The following NBAS variants were observed in gnomAD, a reference collection of about 807,000 sequenced individuals.
The protein encoded by NBAS is NAG/BC035112 fusion.
Under a neutral mutation model 302.5 loss-of-function variants are expected in NBAS, and 219 were observed. The observed-to-expected ratio is 0.72, with a 90% CI of 0.65 to 0.81. The LOEUF (loss-of-function observed/expected upper bound fraction) is 0.81, where lower values mean the gene tolerates loss of function less well. Ranked by LOEUF, NBAS falls within the 30% of genes least tolerant of loss-of-function variation. The pLI, the probability that NBAS is intolerant of heterozygous loss-of-function variation, is 0.00. For missense variants in NBAS, 2,932 were observed against 2,841.6 expected, an observed-to-expected ratio of 1.03 and a Z score of -0.72; for synonymous variants, 1,118 against 1,021.6, an observed-to-expected ratio of 1.09 and a Z score of -1.80.
At chr2:15,234,092 A>C (rs954470754) in intron 46 of NBAS, among the ~76,000 whole-genome samples, 7 of 152,196 alleles carry the variant, frequency 4.6e-5, no homozygotes, top group African/African-American at 1.7e-4. Flanking sequence ...GTCTAAAGAC[A>C]CTTTACAGAT....
chr2:15,507,405 A>AACC (rs113081978), intron 10 of NBAS, among the ~76,000 whole-genome samples: 28 of 151,524 alleles, frequency 1.8e-4, no homozygotes, highest in African/African-American at 6.1e-4. Flanking sequence ...TATATTGAAA[A>AACC]AGCAGCAGCA....
chr2:15,345,795 T>C (rs1055255609), intron 35 of NBAS, among the ~76,000 whole-genome samples: 1 of 152,182 alleles, frequency 6.6e-6, no homozygotes, highest in Non-Finnish European at 1.5e-5. Flanking sequence ...ATGGTCCTGG[T>C]ACCAAAACAG....
At chr2:15,324,601 T>C (rs1364592144) in intron 38 of NBAS, among the ~76,000 whole-genome samples, 1 of 152,144 alleles carries the variant, frequency 6.6e-6, no homozygotes, top group Non-Finnish European at 1.5e-5. Flanking sequence ...TGGGTTTGCC[T>C]ATCATAGCGC....
At chr2:15,028,535 C>G in the NBAS span, among the ~76,000 whole-genome samples, 2 of 152,198 alleles carry the variant, frequency 1.3e-5, no homozygotes, top group African/African-American at 4.8e-5. Flanking sequence ...AACAATTTTA[C>G]TTCATTGTAC....
intron 19 of NBAS, among the ~76,000 whole-genome samples, chr2:15,465,381 G>C (rs1679680092): frequency 6.6e-6 from 1 of 152,080 alleles, no homozygotes; most frequent in African/African-American, 2.4e-5. Context: ...TCTTCATTAT[G>C]TTTCCTCATC....
At chr2:15,160,883 T>A in the NBAS span, among the ~76,000 whole-genome samples, 1 of 152,230 alleles carries the variant, frequency 6.6e-6, no homozygotes, top group Non-Finnish European at 1.5e-5. Flanking sequence ...ATAAAAGTTC[T>A]ATTTCAGTAA....
intron 48 of NBAS, among the ~76,000 whole-genome samples, chr2:15,197,062 A>G (rs1665657130): frequency 6.6e-6 from 1 of 152,220 alleles, no homozygotes; most frequent in Non-Finnish European, 1.5e-5. Context: ...ACTTCAACAT[A>G]AAGATAAAAT....
At chr2:14,854,533 G>A in the NBAS span, among the ~76,000 whole-genome samples, 1 of 148,866 alleles carries the variant, frequency 6.7e-6, no homozygotes, top group Non-Finnish European at 1.5e-5. Flanking sequence ...GTGCTGAAGA[G>A]ATAAAATTAA....
At chr2:15,235,973 T>C (rs1195401654) in intron 45 of NBAS, among the ~76,000 whole-genome samples, 1 of 152,168 alleles carries the variant, frequency 6.6e-6, no homozygotes, top group Non-Finnish European at 1.5e-5. Context: ...GATATAAGTT[T>C]TTTTGTACTG....
the NBAS span, among the ~76,000 whole-genome samples, chr2:15,037,456 C>A: frequency 0.01 from 1,558 of 152,306 alleles, 30 homozygotes; most frequent in African/African-American, 0.036. Flanking sequence ...CCGACATGCT[C>A]AGAGCACCCC....
At chr2:14,843,751 A>C in the NBAS span, among the ~76,000 whole-genome samples, 1 of 152,132 alleles carries the variant, frequency 6.6e-6, no homozygotes, top group Non-Finnish European at 1.5e-5. Flanking sequence ...GAGAATCTGC[A>C]CTTAAGAGAG....
At chr2:15,292,796 T>A (rs1381101678) in intron 40 of NBAS, 30 bp from the exon 41 acceptor site, 1 of 1,601,750 alleles carries the variant, frequency 6.2e-7, no homozygotes, top group African/African-American at 1.3e-5. Flanking sequence ...GAAGACATTT[T>A]ACCAACATCA....
At chr2:14,930,726 G>A in the NBAS span, among the ~76,000 whole-genome samples, 2 of 152,062 alleles carry the variant, frequency 1.3e-5, no homozygotes, top group Non-Finnish European at 2.9e-5. Flanking sequence ...CTTTGACATT[G>A]GACACTACTT....
intron 6 of NBAS, among the ~76,000 whole-genome samples, chr2:15,550,978 T>C (rs1423375429): frequency 6.6e-6 from 1 of 152,214 alleles, no homozygotes; most frequent in Non-Finnish European, 1.5e-5. Flanking sequence ...TGGGATTTAA[T>C]TTTTCCTTAA....
the NBAS span, among the ~76,000 whole-genome samples, chr2:15,127,584 T>C: frequency 6.6e-6 from 1 of 152,218 alleles, no homozygotes; most frequent in South Asian, 2.1e-4. Flanking sequence ...CCAGCAAGGA[T>C]TCCTCGATAT....
intron 36 of NBAS, among the ~76,000 whole-genome samples, chr2:15,330,035 C>G (rs1672251664): frequency 6.6e-6 from 1 of 152,214 alleles, no homozygotes; most frequent in South Asian, 2.1e-4. Context: ...GAAAATAATG[C>G]CTAATAAGTA....
intron 27 of NBAS, 45 bp downstream of exon 27, chr2:15,396,368 C>T: frequency 1.4e-6 from 2 of 1,469,506 alleles, no homozygotes; most frequent in Non-Finnish European, 1.9e-6. Context: ...TGGACAAATT[C>T]CCTTAATAAG....
chr2:15,475,865 T>TA lies in NBAS; in HGVS notation c.1162dup (p.Tyr388LeufsTer40), dbSNP rs1319523217. ...CCACCAATTGACATCTATCAGTGGG[T>TA]AAAAGGACTCTTTATCTAAGAAGCG... On this transcript the variant is annotated frameshift_variant, in exon 14 of 52. Transcript: ENST00000281513. LOFTEE classifies it high-confidence loss of function. 2.5e-6 allele frequency: 4 copies of TA among 1,613,224 alleles called. No individual in the cohort carries two copies. Among genetic ancestry groups the TA allele is most frequent in the Admixed American group, 3.3e-5 (2 of 60,000 alleles).
the NBAS span, among the ~76,000 whole-genome samples, chr2:15,135,456 G>A: frequency 1.2e-4 from 18 of 152,270 alleles, no homozygotes; most frequent in South Asian, 1.2e-3. Context: ...GCGGGCACCC[G>A]TGCTTGGGGT....
Sources: allele counts gnomAD v4.1 joint callset (sites outside exome capture counted in the v4.1 genomes callset), GRCh38; gene constraint gnomAD v4.1.1; transcripts MANE v1.5; gene names NCBI Gene and HGNC (gene_info 2026-07-23, HGNC 2026-07-21).